The following ACAP2 variants were observed in gnomAD, a reference collection of about 807,000 sequenced individuals.
The protein encoded by ACAP2 is ArfGAP with coiled-coil, ankyrin repeat and PH domains 2.
In ACAP2, 39 loss-of-function variants were observed where a neutral mutation model predicts 115.8. That is an observed-to-expected ratio of 0.34 (90% confidence interval 0.26 to 0.44). ACAP2 has a LOEUF of 0.44. Ranked by LOEUF, ACAP2 falls within the 20% of genes least tolerant of loss-of-function variation. The probability of loss-of-function intolerance (pLI) is 1.00; values close to 1 mark genes in which losing one functional copy is unlikely to be tolerated. For synonymous variants in ACAP2, 289 were observed against 315.8 expected (o/e 0.92, Z 0.90); for missense variants, 662 against 927.6 (o/e 0.71, Z 3.72).
chr3:195,354,471 G>A (rs778011046), intron 4 of ACAP2, among the ~76,000 whole-genome samples: 12 of 152,164 alleles, frequency 7.9e-5, no homozygotes, highest in Non-Finnish European at 1.8e-4. Flanking sequence ...TTAGCCACAT[G>A]TATGTCTTCT....
chr3:195,365,796 T>C (rs1732673690), intron 4 of ACAP2, among the ~76,000 whole-genome samples: 1 of 152,022 alleles, frequency 6.6e-6, no homozygotes, highest in East Asian at 1.9e-4. Context: ...TCGCAATATG[T>C]CAATGAATAT....
chr3:195,300,115 C>T (rs557014849), intron 15 of ACAP2, among the ~76,000 whole-genome samples: 3 of 146,792 alleles, frequency 2.0e-5, no homozygotes, highest in Non-Finnish European at 3.0e-5. Flanking sequence ...GGTGCGATCT[C>T]GGCTCACTGC....
At chr3:195,392,673 A>G (rs1277395726) in intron 1 of ACAP2, among the ~76,000 whole-genome samples, 1 of 152,210 alleles carries the variant, frequency 6.6e-6, no homozygotes, top group African/African-American at 2.4e-5. Context: ...CAGAAAAATT[A>G]GCAAAGGTTA....
At chr3:195,416,735 A>G (rs888400986) in intron 1 of ACAP2, among the ~76,000 whole-genome samples, 3 of 152,204 alleles carry the variant, frequency 2.0e-5, no homozygotes, top group African/African-American at 7.2e-5. Context: ...GTAGCACAAA[A>G]ACTTTGAAAA....
At chr3:195,340,743 A>G (rs1730812998) in intron 6 of ACAP2, among the ~76,000 whole-genome samples, 1 of 152,186 alleles carries the variant, frequency 6.6e-6, no homozygotes, top group Non-Finnish European at 1.5e-5. Flanking sequence ...TGCATGAGCC[A>G]TTTCAGTGGG....
In ACAP2 at chr3:195,335,477, C is replaced by T. The variant is rs560839465; in HGVS notation, c.573+1455G>A. 1.3e-3 allele frequency among the ~76,000 whole-genome samples: 198 copies of T among 152,244 alleles called. 2 individuals are homozygous for T. The highest frequency in any genetic ancestry group is 4.7e-3 in the African/African-American group (194 of 41,544). ...AAAGGCATATATTCAAGTTCATGCA[C>T]ACACACATGCACACACACAGAAAGA... is the stretch of plus-strand genomic sequence containing the variant. On this transcript the variant is annotated intron_variant, in intron 7 of 22. Coordinates refer to ENST00000326793, the MANE Select transcript of ACAP2 (RefSeq NM_012287.6).
intron 10 of ACAP2, among the ~76,000 whole-genome samples, chr3:195,309,636 G>C (rs780651219): frequency 6.6e-6 from 1 of 151,476 alleles, no homozygotes; most frequent in Non-Finnish European, 1.5e-5. Flanking sequence ...AATTCAGTAA[G>C]AGTTTGATTT....
chr3:195,335,833 G>T (rs1214859384), intron 7 of ACAP2: 2 of 149,804 alleles, frequency 1.3e-5, no homozygotes, highest in African/African-American at 4.9e-5. Flanking sequence ...TATTACTAAG[G>T]TTATCAAAAT....
intron 1 of ACAP2, among the ~76,000 whole-genome samples, chr3:195,413,138 T>A (rs1236339586): frequency 2.0e-5 from 3 of 152,210 alleles, no homozygotes; most frequent in Non-Finnish European, 4.4e-5. Flanking sequence ...ACTTTGTTCC[T>A]TTTGTAAGTA....
At chr3:195,330,075 G>A (rs1430756800) in intron 8 of ACAP2, among the ~76,000 whole-genome samples, 2 of 151,906 alleles carry the variant, frequency 1.3e-5, no homozygotes, top group African/African-American at 4.8e-5. Flanking sequence ...TCTTGTGGTT[G>A]CAATCAGCAA....
intron 4 of ACAP2, among the ~76,000 whole-genome samples, chr3:195,365,563 T>C (rs1488683393): frequency 6.6e-6 from 1 of 151,236 alleles, no homozygotes; most frequent in African/African-American, 2.4e-5. Context: ...GGAGACCTTG[T>C]CTCTAAAAAA....
chr3:195,333,303 G>C (rs79857545), intron 7 of ACAP2, among the ~76,000 whole-genome samples, 180 bp from the exon 8 acceptor site: 1 of 152,216 alleles, frequency 6.6e-6, no homozygotes, highest in Non-Finnish European at 1.5e-5. Flanking sequence ...CCAGGCTCAG[G>C]TGATTCTCCC....
chr3:195,392,427 C>T (rs529456352), intron 1 of ACAP2, among the ~76,000 whole-genome samples: 5 of 152,258 alleles, frequency 3.3e-5, no homozygotes, highest in Non-Finnish European at 7.3e-5. Flanking sequence ...CTATTTAGCA[C>T]GTACTTTTTA....
chr3:195,352,948 G>A (rs757976031), intron 4 of ACAP2, among the ~76,000 whole-genome samples: 1 of 152,026 alleles, frequency 6.6e-6, no homozygotes, highest in Admixed American at 6.6e-5. Context: ...GGGTGTGGTG[G>A]CGCACATCTG....
At chr3:195,427,170 T>G (rs1463434985) in intron 1 of ACAP2, among the ~76,000 whole-genome samples, 2 of 152,102 alleles carry the variant, frequency 1.3e-5, no homozygotes, top group African/African-American at 2.4e-5. Context: ...AGCCAAGGAA[T>G]ATGGGCAGCC....
chr3:195,309,819 T>A (rs1485602087), intron 10 of ACAP2, among the ~76,000 whole-genome samples: 1 of 152,110 alleles, frequency 6.6e-6, no homozygotes, highest in Non-Finnish European at 1.5e-5. Flanking sequence ...TGTAAATTAT[T>A]AGACAAACAA....
At chr3:195,320,564 A>T in intron 10 of ACAP2, 137 bp downstream of exon 10, 1 of 546,576 alleles carries the variant, frequency 1.8e-6, no homozygotes, top group Non-Finnish European at 3.3e-6. Flanking sequence ...ATCTATCTTC[A>T]ATAGACTGGG....
chr3:195,295,320 C>T (rs1727569879), intron 17 of ACAP2: 3 of 1,271,114 alleles, frequency 2.4e-6, no homozygotes, highest in African/African-American at 3.1e-5. Context: ...TGCAAGTTAG[C>T]AAAGCACAAA....
chr3:195,304,074 G>C (rs1577265232), intron 13 of ACAP2, among the ~76,000 whole-genome samples: 1 of 143,108 alleles, frequency 7.0e-6, no homozygotes, highest in South Asian at 2.2e-4. Flanking sequence ...TGAGGCAGCA[G>C]AATCGCTTGA....
Sources: gnomAD v4.1 joint callset for allele counts (sites outside exome capture counted in the v4.1 genomes callset) on GRCh38, gnomAD v4.1.1 for gene constraint, MANE v1.5 for transcripts, NCBI Gene and HGNC (gene_info 2026-07-23, HGNC 2026-07-21) for gene names.